Variants in BCAN observed in about 807,000 individuals in gnomAD.
BCAN encodes brevican core protein.
BCAN carries 51 observed loss-of-function variants against 92.4 expected under a neutral mutation model. That is an observed-to-expected ratio of 0.55 (90% CI 0.44 to 0.70). BCAN has a LOEUF of 0.70. Among genes scored for constraint, BCAN ranks in the 30% least tolerant of loss-of-function variants. BCAN has a pLI of 0.00. For synonymous variants in BCAN, 501 were observed against 505.2 expected (o/e 0.99, Z 0.11); for missense variants, 1,140 against 1,212.1 (o/e 0.94, Z 0.88).
chr1:156,647,900 G>A lies in BCAN; in HGVS notation c.642-83G>A, dbSNP rs1364754652. 6.3e-7 allele frequency: 1 copy of A among 1,587,382 alleles called. No individual in the cohort carries two copies. Among genetic ancestry groups the A allele is most frequent in the East Asian group, 2.2e-5 (1 of 44,636 alleles). On this transcript the variant is annotated intron_variant, in intron 4 of 13. Coordinates refer to ENST00000329117, the MANE Select transcript of BCAN (RefSeq NM_021948.5). The surrounding 1 kb of genome is among the most constrained non-coding windows in gnomAD (Gnocchi z 4.8). Reference sequence around the variant, plus strand: ...TGTCAGCAAGTGTCTGCACTGTGGTGGCAGTGGGGTTCAATAGAATCAATA... The same window carrying A: ...TGTCAGCAAGTGTCTGCACTGTGGTAGCAGTGGGGTTCAATAGAATCAATA...
Position 156,647,094 on chromosome 1 carries a change from C to G in BCAN, c.385C>G (p.Pro129Ala). The G allele has an allele frequency of 6.2e-7, 1 of 1,607,778 alleles. No individual in the cohort carries two copies. Residue 129 changes from proline to alanine, a missense_variant, in exon 3 of 14, where the codon CCC becomes GCC. Around this residue, in one of 3 missense-constraint regions of BCAN, gnomAD observed 286 missense variants for 284.1 expected, o/e 1.01. Coordinates refer to ENST00000329117, the MANE Select transcript of BCAN (RefSeq NM_021948.5). This position sits in a 1 kb window ranked among gnomAD's most constrained non-coding sequence, Gnocchi z 4.8. ...DVSLALSELR[P>A]NDSGIYRCEV... ...CTCCCTGGCGCTGAGCGAGCTGCGC[C>G]CCAACGACTCAGGTATCTATCGCTG...
At chr1:156,654,084 G>A (rs1312320702) in intron 8 of BCAN, among the ~76,000 whole-genome samples, 1 of 152,146 alleles carries the variant, frequency 6.6e-6, no homozygotes, top group African/African-American at 2.4e-5. Flanking sequence ...CAGAAGGAAT[G>A]GCTTCACCCT....
chr1:156,656,168 C>A, intron 8 of BCAN, 114 bp from the exon 9 acceptor site: 3 of 619,782 alleles, frequency 4.8e-6, no homozygotes, highest in East Asian at 6.5e-5. Context: ...GCTGTTATAG[C>A]TTCCAGGACA....
chr1:156,645,240 G>A (rs898528106), intron 1 of BCAN, among the ~76,000 whole-genome samples: 1 of 152,220 alleles, frequency 6.6e-6, no homozygotes, highest in African/African-American at 2.4e-5. Context: ...GGGAGGGGCT[G>A]GATAGAGGCC....
At chr1:156,648,981 G>A (rs889896349) in intron 6 of BCAN, 120 bp downstream of exon 6, 39 of 1,176,596 alleles carry the variant, frequency 3.3e-5, no homozygotes, top group African/African-American at 7.7e-5. Context: ...TGAAGTGGTC[G>A]TGGGTGAAGT....
At chr1:156,645,463 T>A (rs1678931548) in intron 1 of BCAN, among the ~76,000 whole-genome samples, 1 of 152,110 alleles carries the variant, frequency 6.6e-6, no homozygotes, top group Admixed American at 6.6e-5. Context: ...CAGGAGAAGC[T>A]GTGCTTACTT....
Position 156,647,833 on chromosome 1 carries a change from C to T in BCAN, c.642-150C>T, listed in dbSNP as rs748649009. On this transcript the variant is annotated intron_variant, in intron 4 of 13. Transcript: ENST00000329117. This position sits in a 1 kb window ranked among gnomAD's most constrained non-coding sequence, Gnocchi z 4.8. ...TGGTCTGAGGAGGGGAGGTGAGGAC[C>T]CTGAGCATGTGCATCCCTGCAGTGC... is the stretch of plus-strand genomic sequence containing the variant. 2.0e-6 allele frequency: 3 copies of T among 1,532,120 alleles called. No homozygotes were observed. The highest frequency in any genetic ancestry group is 2.7e-6 in the Non-Finnish European group (3 of 1,110,056). The allele number at this position is 1,532,120 out of a possible 1,614,324, so 94.9% of individuals were successfully genotyped here.
Position 156,647,398 on chromosome 1 carries a change from A to G in BCAN, c.467-110A>G. The G allele has an allele frequency of 8.1e-7, 1 of 1,238,896 alleles. No homozygotes were observed. Among genetic ancestry groups the G allele is most frequent in the Non-Finnish European group, 1.1e-6 (1 of 895,600 alleles). 76.7% of individuals were successfully genotyped at this position (1,238,896 alleles called of 1,614,324 possible). On this transcript the variant is annotated intron_variant, in intron 3 of 13. Transcript: ENST00000329117. The surrounding 1 kb of genome is among the most constrained non-coding windows in gnomAD (Gnocchi z 4.8). Reference sequence around the variant, plus strand: ...CTTAAGTCCCTCATGCTGTAGAGTGAGCACAATTGAACTTTATTTACCCTT... The same window carrying G: ...CTTAAGTCCCTCATGCTGTAGAGTGGGCACAATTGAACTTTATTTACCCTT...
intron 8 of BCAN, chr1:156,653,146 A>T (rs530945676): frequency 7.1e-7 from 1 of 1,399,932 alleles, no homozygotes; most frequent in Non-Finnish European, 9.2e-7. Context: ...CTTCCCTGCC[A>T]TTGGGCCCTC....
rs778267376 is a variant in BCAN, at chr1:156,651,697, G to A, written c.1297+8G>A. The A allele has an allele frequency of 5.0e-5, 80 of 1,597,270 alleles. No individual in the cohort carries two copies. The highest frequency in any genetic ancestry group is 6.5e-5 in the Non-Finnish European group (76 of 1,172,090). ...CCCCTAGGACGCTCCTAGGTAAGTC[G>A]GATCCCTTATCCTAAGGATGTCTTG... is the stretch of plus-strand genomic sequence containing the variant. On this transcript the variant is annotated splice_region_variant and intron_variant, in intron 7 of 13. Coordinates refer to ENST00000329117, the MANE Select transcript of BCAN (RefSeq NM_021948.5).
At chr1:156,648,211 TTAAGGGGGCAAGCAGGAG>T (rs1679050715) in intron 5 of BCAN, 101 bp downstream of exon 5, 1 of 1,470,518 alleles carries the variant, frequency 6.8e-7, no homozygotes, top group Non-Finnish European at 9.3e-7. Context: ...CCTCCTGAGT[TTAAGGGGGCAAGCAGGAG>T]TAAGGAGACA....
chr1:156,646,845 C>G lies in BCAN; in HGVS notation c.136C>G (p.Gln46Glu). The part of the protein sequence containing the change: ...RVRIAGDAPL[Q>E]GVLGGALTIP... ...GCGCATCGCGGGCGACGCGCCACTG[C>G]AGGGCGTGCTCGGCGGCGCCCTCAC... The change falls in exon 3 of 14, where the codon CAG becomes GAG. Residue 46 changes from glutamine (Q) to glutamate (E), a missense_variant. Coordinates refer to ENST00000329117, the MANE Select transcript of BCAN (RefSeq NM_021948.5). 1 of 1,602,324 alleles carries G rather than the reference C, an allele frequency of 6.2e-7. No individual in the cohort carries two copies. The highest frequency in any genetic ancestry group is 8.5e-7 in the Non-Finnish European group (1 of 1,174,392).
chr1:156,648,910 G>A, intron 6 of BCAN, 49 bp downstream of exon 6: 1 of 1,512,136 alleles, frequency 6.6e-7, no homozygotes, highest in Non-Finnish European at 8.9e-7. Context: ...GAAAGGCAGA[G>A]TTGAGTCCTA....
Position 156,648,140 on chromosome 1 carries a change from C to A in BCAN, c.769+30C>A, listed in dbSNP as rs750769449. The A allele has an allele frequency of 8.7e-6, 14 of 1,603,588 alleles. No individual in the cohort carries two copies. The Admixed American group carries it at 1.3e-4, about 15-fold the overall frequency. ...TTAGGAGTGAGAGGTTCCCAGGGGA[C>A]AATTTCCTACTCCCATGCTGCCCAT... On this transcript the variant is annotated intron_variant, in intron 5 of 13. Transcript: ENST00000329117.
rs757462459 is a variant in BCAN at position 156,651,562 on chromosome 1, G to T, written c.1170G>T (p.Leu390=). The T allele has an allele frequency of 4.7e-5, 76 of 1,613,836 alleles. No individual in the cohort carries two copies. The East Asian group carries it at 1.6e-3, about 35-fold the overall frequency. Residue 390 remains leucine, a synonymous_variant, in exon 7 of 14, where the codon CTG becomes CTT. Coordinates refer to ENST00000329117, the MANE Select transcript of BCAN (RefSeq NM_021948.5). Reference sequence around the variant, plus strand: ...CAGTGACAGAGACCCTGGAGGAACTGCAGCTGCCTCAGGAAGCCACAGAGA... The same window carrying T: ...CAGTGACAGAGACCCTGGAGGAACTTCAGCTGCCTCAGGAAGCCACAGAGA... ...IVTVTETLEE[L]QLPQEATESE...
rs151238031 is a variant in BCAN, at chr1:156,657,017, G to A, written c.2130G>A (p.Glu710=). Residue 710 remains glutamate, a synonymous_variant, in exon 10 of 14, where the codon GAG becomes GAA. Coordinates refer to ENST00000329117, the MANE Select transcript of BCAN (RefSeq NM_021948.5). Reference sequence around the variant, plus strand: ...ACTTTTCCACACGAAGGAGCTGGGAGGAGGCAGAGACCCAGTGCCGGATGT... The same window carrying A: ...ACTTTTCCACACGAAGGAGCTGGGAAGAGGCAGAGACCCAGTGCCGGATGT... ...YKHFSTRRSW[E]EAETQCRMYG... The A allele has an allele frequency of 1.5e-5, 25 of 1,614,102 alleles. No individual in the cohort carries two copies. Among genetic ancestry groups the A allele is most frequent in the Non-Finnish European group, 2.0e-5 (24 of 1,180,034 alleles).
In BCAN at chr1:156,646,031, C is replaced by T; in HGVS notation, c.-8-16C>T. On this transcript the variant is annotated splice_polypyrimidine_tract_variant and intron_variant, in intron 1 of 13. Coordinates refer to ENST00000329117, the MANE Select transcript of BCAN (RefSeq NM_021948.5). ...GAAGTCTAACCCCATCTTTCCTTCT[C>T]ATGTCCCTCTGTCAGCCTGCAGCAT... The T allele has an allele frequency of 1.2e-6, 2 of 1,603,016 alleles. No individual in the cohort carries two copies. Among genetic ancestry groups the T allele is most frequent in the South Asian group, 2.2e-5 (2 of 90,400 alleles).
At chr1:156,653,537 G>C (rs1444008787) in intron 8 of BCAN, 1 of 985,674 alleles carries the variant, frequency 1.0e-6, no homozygotes, top group Non-Finnish European at 1.2e-6. Flanking sequence ...TCTGTGTCAT[G>C]GGGAGCACTT....
chr1:156,656,408 G>A lies in BCAN; in HGVS notation c.2050+19G>A. 7.4e-7 allele frequency: 1 copy of A among 1,343,056 alleles called. No individual in the cohort carries two copies. The allele number at this position is 1,343,056 out of a possible 1,614,324, so 83.2% of individuals were successfully genotyped here. A position where few individuals can be genotyped will look rare whatever the true frequency, so the allele number is the denominator to read the frequency against. On this transcript the variant is annotated intron_variant, in intron 9 of 13. Transcript: ENST00000329117. ...GATGTTGGTGAGTGTTGAGGGACGG[G>A]GGGCAGGTTTGAAGCCTGGACCCTG...
Sources: allele counts gnomAD v4.1 joint callset (sites outside exome capture counted in the v4.1 genomes callset), GRCh38; gene constraint gnomAD v4.1.1; regional missense constraint gnomAD v4.1.1; non-coding constraint Gnocchi (gnomAD v3.1); transcripts MANE v1.5; gene names NCBI Gene and HGNC (gene_info 2026-07-23, HGNC 2026-07-21).